ERBIN: variants seen among roughly 807,000 people sequenced by gnomAD.
ERBIN encodes the protein densin-180-like protein.
ERBIN carries 60 observed loss-of-function variants against 158.4 expected under a neutral mutation model. The ratio of observed to expected loss-of-function variants is 0.38; its 90% CI spans 0.31 to 0.47. ERBIN has a LOEUF of 0.47. Among genes scored for constraint, ERBIN ranks in the 20% least tolerant of loss-of-function variants. ERBIN has a pLI of 0.99. For missense variants in ERBIN, 1,610 were observed against 1,648.0 expected, an observed-to-expected ratio of 0.98 and a Z score of 0.40; for synonymous variants, 594 against 557.2, an observed-to-expected ratio of 1.07 and a Z score of -0.93.
At chr5:65,969,545 T>C (rs1324048319) in intron 1 of ERBIN, among the ~76,000 whole-genome samples, 1 of 152,144 alleles carries the variant, frequency 6.6e-6, no homozygotes, top group South Asian at 2.1e-4. Context: ...TAGACTCAAA[T>C]GTAAAGCAGT....
intron 1 of ERBIN, among the ~76,000 whole-genome samples, chr5:65,958,346 A>G (rs1039258320): frequency 6.6e-6 from 1 of 152,216 alleles, no homozygotes; most frequent in Non-Finnish European, 1.5e-5. Flanking sequence ...CACTGAGTGA[A>G]CGAGGACTCC....
intron 1 of ERBIN, among the ~76,000 whole-genome samples, chr5:65,927,209 G>T (rs1186964736): frequency 6.6e-6 from 1 of 152,180 alleles, no homozygotes; most frequent in African/African-American, 2.4e-5. Flanking sequence ...TGAGTGATTT[G>T]CTGTTATTGA....
intron 21 of ERBIN, among the ~76,000 whole-genome samples, chr5:66,066,098 A>C (rs1760966549): frequency 6.6e-6 from 1 of 152,126 alleles, no homozygotes; most frequent in African/African-American, 2.4e-5. Flanking sequence ...TAATTCTGAA[A>C]ATTGTCCCTG....
chr5:66,076,897 A>C lies in ERBIN; in HGVS notation c.4079A>C (p.Gln1360Pro). Residue 1360 changes from glutamine (Q) to proline (P), a missense_variant, in exon 25 of 26, where the codon CAA becomes CCA. This residue lies in a region of ERBIN where 1,014 missense variants were observed against 936.1 expected (regional missense o/e 1.08). Coordinates refer to ENST00000284037, the MANE Select transcript of ERBIN (RefSeq NM_001253697.2). ...AAGGGTATATTTGTAACAAGGGTAC[A>C]ACCTGAAGGACCAGCATCAAAATTA... ...DDDGIFVTRVQPEGPASKLLQ... is the reference protein window; with the variant it reads ...DDDGIFVTRVPPEGPASKLLQ... 1 of 1,609,750 alleles carries C rather than the reference A, an allele frequency of 6.2e-7. No individual in the cohort carries two copies. Among genetic ancestry groups the C allele is most frequent in the Non-Finnish European group, 8.5e-7 (1 of 1,177,298 alleles).
chr5:66,072,285 G>C lies in ERBIN; in HGVS notation c.3750G>C (p.Leu1250Phe). The change falls in exon 22 of 26, where the codon TTG becomes TTC. Residue 1250 changes from leucine (L) to phenylalanine (F), a missense_variant. Transcript: ENST00000284037. ...LSHKDVPPDS[L>F]MKMPLSNGQM... is the part of the protein sequence containing the mutation. ...ACAAAGATGTTCCTCCAGACAGCTT[G>C]ATGAAAGTGGGTGCTCGGGAAAACA... 6.5e-7 allele frequency: 1 copy of C among 1,549,998 alleles called. No homozygotes were observed. Among genetic ancestry groups the C allele is most frequent in the Non-Finnish European group, 8.7e-7 (1 of 1,146,736 alleles).
At chr5:65,974,225 CTTA>C (rs1204276057) in intron 1 of ERBIN, among the ~76,000 whole-genome samples, 12 of 152,238 alleles carry the variant, frequency 7.9e-5, no homozygotes, top group African/African-American at 2.7e-4. Flanking sequence ...TGACAGTGGA[CTTA>C]TTATGATGTG....
chr5:65,988,374 T>TA (rs994924385), intron 1 of ERBIN, among the ~76,000 whole-genome samples: 5,937 of 142,014 alleles, frequency 0.042, 385 homozygotes, highest in African/African-American at 0.14. Context: ...CCCAGTCTCT[T>TA]AAAAAAAAAA....
chr5:65,990,783 C>T (rs577252417), intron 2 of ERBIN, among the ~76,000 whole-genome samples: 6 of 150,148 alleles, frequency 4.0e-5, no homozygotes, highest in East Asian at 3.9e-4. Context: ...TTTTTTGAGA[C>T]GGAGTCTCGC....
At chr5:65,963,695 G>A (rs1425782083) in intron 1 of ERBIN, among the ~76,000 whole-genome samples, 4 of 151,984 alleles carry the variant, frequency 2.6e-5, no homozygotes, top group African/African-American at 2.4e-5. Flanking sequence ...TGAAGATACC[G>A]CTGCTGAGTT....
At chr5:66,032,151 G>A (rs564041848) in intron 14 of ERBIN, among the ~76,000 whole-genome samples, 1 of 152,120 alleles carries the variant, frequency 6.6e-6, no homozygotes, top group Non-Finnish European at 1.5e-5. Context: ...ACAGTGAGAC[G>A]GAAAAGGTAG....
At chr5:66,057,327 A>G (rs1759695883) in intron 21 of ERBIN, among the ~76,000 whole-genome samples, 1 of 152,168 alleles carries the variant, frequency 6.6e-6, no homozygotes, top group South Asian at 2.1e-4. Flanking sequence ...AGGGTACCTG[A>G]CACATATAAC....
intron 7 of ERBIN, among the ~76,000 whole-genome samples, chr5:66,018,480 TTATATATTATATTATATAA>T (rs1755114343): frequency 1.8e-4 from 1 of 5,502 alleles, no homozygotes; most frequent in African/African-American, 8.0e-4. Context: ...ATATTATATA[TTATATATTATATTATATAA>T]TATATATTAT....
chr5:65,967,336 C>T (rs751210100), intron 1 of ERBIN, among the ~76,000 whole-genome samples: 11 of 152,152 alleles, frequency 7.2e-5, no homozygotes, highest in Non-Finnish European at 1.2e-4. Flanking sequence ...TCACTACTCA[C>T]TCACTGACCC....
intron 25 of ERBIN, 116 bp from the exon 26 acceptor site, chr5:66,078,306 TG>T: frequency 1.5e-6 from 1 of 675,258 alleles, no homozygotes; most frequent in Non-Finnish European, 2.5e-6. Context: ...TGAATCTGTA[TG>T]TTATTTTAAG....
intron 24 of ERBIN, 74 bp from the exon 25 acceptor site, chr5:66,076,801 G>A (rs1245901777): frequency 4.7e-5 from 50 of 1,060,312 alleles, no homozygotes; most frequent in Non-Finnish European, 6.9e-5. Context: ...ATGGTGTGGA[G>A]GAAAAATTGC....
rs536576111 is a variant in ERBIN, at chr5:66,077,166, A to C, written c.4131+217A>C. On this transcript the variant is annotated intron_variant, in intron 25 of 25. Coordinates refer to ENST00000284037, the MANE Select transcript of ERBIN (RefSeq NM_001253697.2). ...ACTCTGTCTCAAAAAAAAAAAAAAA[A>C]AAAGTTTGATACATCATAGGATTTT... is the stretch of plus-strand genomic sequence containing the variant. Among the ~76,000 whole-genome samples, 1,366 of 152,026 alleles carry C rather than the reference A, an allele frequency of 9.0e-3. 21 individuals carry two copies. Among genetic ancestry groups the C allele is most frequent in the Middle Eastern group, 0.065 (19 of 294 alleles).
intron 7 of ERBIN, among the ~76,000 whole-genome samples, chr5:66,018,782 G>T (rs554691608): frequency 6.8e-6 from 1 of 147,416 alleles, no homozygotes; most frequent in African/African-American, 2.5e-5. Context: ...GACTACAGGC[G>T]CCCGCCACTA....
rs180910565 is a variant in ERBIN at position 65,988,668 on chromosome 5, A to T, written c.-24A>T. ...CTCAATTAAGAAACATCAGGGAGAT[A>T]AATTCAACCCAGTGGTAAGTAACTT... On this transcript the variant is annotated 5_prime_UTR_variant, in exon 2 of 26. Transcript: ENST00000284037. 1 of 152,248 alleles carries T rather than the reference A, an allele frequency of 6.6e-6. No homozygotes were observed. Among genetic ancestry groups the T allele is most frequent in the Non-Finnish European group, 1.5e-5 (1 of 68,018 alleles). 9.4% of individuals were successfully genotyped at this position (152,248 alleles called of 1,614,324 possible).
intron 4 of ERBIN, among the ~76,000 whole-genome samples, chr5:66,001,398 T>A (rs868868304): frequency 2.6e-5 from 4 of 152,162 alleles, no homozygotes; most frequent in Non-Finnish European, 5.9e-5. Context: ...CAAGCTGTAT[T>A]TCTTTAAAAG....
Sources: allele counts gnomAD v4.1 joint callset (sites outside exome capture counted in the v4.1 genomes callset), GRCh38; gene constraint gnomAD v4.1.1; regional missense constraint gnomAD v4.1.1; transcripts MANE v1.5; gene names NCBI Gene and HGNC (gene_info 2026-07-23, HGNC 2026-07-21).